DNAH14: variants seen among roughly 807,000 people sequenced by gnomAD.
DNAH14 encodes axonemal beta dynein heavy chain 14.
DNAH14 carries 478 observed loss-of-function variants against 520.9 expected under a neutral mutation model. That is an observed-to-expected ratio of 0.92 (90% confidence interval 0.85 to 0.99). The LOEUF is 0.99. Among genes scored for constraint, DNAH14 ranks in the 50% least tolerant of loss-of-function variants. The pLI, the probability that DNAH14 is intolerant of heterozygous loss-of-function variation, is 0.00. For synonymous variants in DNAH14, 1,581 were observed against 1,757.2 expected, an observed-to-expected ratio of 0.90 and a Z score of 2.51; for missense variants, 4,831 against 5,234.5, an observed-to-expected ratio of 0.92 and a Z score of 2.38.
rs2060793232 is a variant in DNAH14 at position 224,960,725 on chromosome 1, C to T, written c.367+423C>T. 2.0e-5 allele frequency among the ~76,000 whole-genome samples: 3 copies of T among 151,942 alleles called. No homozygotes were observed. The South Asian group carries it at 6.2e-4, about 32-fold the overall frequency. On this transcript the variant is annotated intron_variant, in intron 4 of 85. Transcript: ENST00000682510. ...TAACATCTTCTAGTTTGTGTTTTCT[C>T]TATAACTGAAATTCTTCTTAGTATT... is the stretch of plus-strand genomic sequence containing the variant.
At chr1:225,206,656 G>A (rs1450841360) in intron 40 of DNAH14, among the ~76,000 whole-genome samples, 2 of 152,156 alleles carry the variant, frequency 1.3e-5, no homozygotes, top group Non-Finnish European at 2.9e-5. Flanking sequence ...TTAACTGAAT[G>A]TTATGAATAA....
In DNAH14 at chr1:224,960,082, G is replaced by A. The variant is rs12093545; in HGVS notation, c.218-71G>A. 0.013 allele frequency: 17,538 copies of A among 1,384,682 alleles called. 1,191 individuals are homozygous for A. The African/African-American group carries it at 0.17, about 14-fold the overall frequency. 85.8% of individuals were successfully genotyped at this position (1,384,682 alleles called of 1,614,324 possible). A position where few individuals can be genotyped will look rare whatever the true frequency, so the allele number is the denominator to read the frequency against. ...ATATAATCATTAACTGTATTGCTGG[G>A]TATGTGGAATTACTATGGTATTATT... is the stretch of plus-strand genomic sequence containing the variant. On this transcript the variant is annotated intron_variant, in intron 3 of 85. Transcript: ENST00000682510.
chr1:225,238,409 A>G (rs976930670), intron 42 of DNAH14, among the ~76,000 whole-genome samples: 2 of 152,124 alleles, frequency 1.3e-5, no homozygotes, highest in African/African-American at 4.8e-5. Flanking sequence ...TTCAGACCCT[A>G]CTTGCCTCAG....
At position 224,970,043 on chromosome 1, in the gene DNAH14, A is replaced by G. The variant is rs377414611; in HGVS notation, c.767+1169A>G. Among the ~76,000 whole-genome samples the G allele has an allele frequency of 3.7e-4, 57 of 152,278 alleles. 1 individual carries two copies. The East Asian group carries it at 6.2e-3, about 16-fold the overall frequency. ...AGAGAGATAACCTTAAATTCTGACC[A>G]CTGATGAGCTGGAACAGAGCCATAT... On this transcript the variant is annotated intron_variant, in intron 7 of 85. Transcript: ENST00000682510.
intron 1 of DNAH14, among the ~76,000 whole-genome samples, chr1:224,930,245 A>T (rs2058596154): frequency 6.6e-6 from 1 of 152,248 alleles, no homozygotes; most frequent in African/African-American, 2.4e-5. Flanking sequence ...ACACAAATAT[A>T]TATGGATTAT....
intron 10 of DNAH14, among the ~76,000 whole-genome samples, chr1:225,014,198 G>C (rs1328876176): frequency 6.6e-6 from 1 of 152,154 alleles, no homozygotes; most frequent in African/African-American, 2.4e-5. Context: ...GCTTCCTTTG[G>C]CTAGCGGAGG....
chr1:225,018,481 G>T (rs1416215463), intron 10 of DNAH14, among the ~76,000 whole-genome samples: 1 of 152,182 alleles, frequency 6.6e-6, no homozygotes, highest in Non-Finnish European at 1.5e-5. Context: ...TGAGGATATA[G>T]TCCATGACAA....
At chr1:225,240,148 T>C (rs1457837699) in intron 42 of DNAH14, among the ~76,000 whole-genome samples, 1 of 152,078 alleles carries the variant, frequency 6.6e-6, no homozygotes. Context: ...AATTAAGAAT[T>C]ATAATTTCCT....
At chr1:225,011,740 C>T (rs371235844) in intron 10 of DNAH14, among the ~76,000 whole-genome samples, 13 of 133,062 alleles carry the variant, frequency 9.8e-5, no homozygotes, top group East Asian at 4.5e-4. Flanking sequence ...TTATCAGATG[C>T]GAGGAATGCA....
rs1401453549 is a variant in DNAH14, at chr1:224,974,124, T to C, written c.801T>C (p.Asn267=). ...MNKAFVTWKL[N]VKRIKTEKSR... ...AAGCATTTGTTACCTGGAAATTGAATGTTAAAAGAATTAAGACAGAGAAGA... is the reference window on the plus strand; with the variant it reads ...AAGCATTTGTTACCTGGAAATTGAACGTTAAAAGAATTAAGACAGAGAAGA... Residue 267 remains asparagine (N), a synonymous_variant, in exon 8 of 86, where the codon AAT becomes AAC. Coordinates refer to ENST00000682510, the MANE Select transcript of DNAH14 (RefSeq NM_001367479.1). 6.6e-7 allele frequency: 1 copy of C among 1,508,126 alleles called. No homozygotes were observed. The highest frequency in any genetic ancestry group is 8.9e-7 in the Non-Finnish European group (1 of 1,123,720). 93.4% of individuals were successfully genotyped at this position (1,508,126 alleles called of 1,614,324 possible).
intron 75 of DNAH14, among the ~76,000 whole-genome samples, 169 bp downstream of exon 75, chr1:225,361,060 G>C (rs192154352): frequency 3.9e-5 from 6 of 152,278 alleles, no homozygotes; most frequent in Admixed American, 1.3e-4. Flanking sequence ...CCAGGAACTT[G>C]AAAACTACAC....
At chr1:225,033,721 TTC>T (rs1189344505) in intron 11 of DNAH14, among the ~76,000 whole-genome samples, 1 of 152,196 alleles carries the variant, frequency 6.6e-6, no homozygotes, top group African/African-American at 2.4e-5. Flanking sequence ...GTTTTTCTAT[TTC>T]TCTGTGTCTT....
intron 9 of DNAH14, among the ~76,000 whole-genome samples, chr1:225,003,676 A>C (rs1260970588): frequency 6.6e-6 from 1 of 152,086 alleles, no homozygotes; most frequent in Non-Finnish European, 1.5e-5. Flanking sequence ...TGAATAAAAG[A>C]ATAAACTAAT....
At chr1:225,155,064 A>G (rs1393108889) in intron 34 of DNAH14, among the ~76,000 whole-genome samples, 1 of 152,160 alleles carries the variant, frequency 6.6e-6, no homozygotes, top group Non-Finnish European at 1.5e-5. Flanking sequence ...AAAGAATGCA[A>G]ATTAAAATGA....
chr1:225,135,212 C>T (rs2078847186), intron 27 of DNAH14, among the ~76,000 whole-genome samples: 1 of 151,934 alleles, frequency 6.6e-6, no homozygotes, highest in South Asian at 2.1e-4. Flanking sequence ...GGTTTGTTTG[C>T]TCTTGGTTCT....
At chr1:224,973,070 A>G (rs2061597220) in intron 7 of DNAH14, among the ~76,000 whole-genome samples, 1 of 152,210 alleles carries the variant, frequency 6.6e-6, no homozygotes, top group South Asian at 2.1e-4. Context: ...TTAAAGTGAA[A>G]TAGTAACTTA....
chr1:225,113,109 T>C (rs751671607), intron 23 of DNAH14, among the ~76,000 whole-genome samples: 51 of 152,132 alleles, frequency 3.4e-4, no homozygotes, highest in Non-Finnish European at 2.9e-5. Flanking sequence ...TTTGAACTTA[T>C]CGTTCTTGGG....
chr1:225,027,539 T>A (rs2148069846), intron 11 of DNAH14, among the ~76,000 whole-genome samples: 2 of 152,212 alleles, frequency 1.3e-5, no homozygotes, highest in East Asian at 3.9e-4. Context: ...AGGAAGCATG[T>A]CTGGGAGGCC....
At chr1:224,942,106 C>G (rs1266195318) in intron 1 of DNAH14, among the ~76,000 whole-genome samples, 3 of 152,054 alleles carry the variant, frequency 2.0e-5, no homozygotes, top group East Asian at 3.9e-4. Flanking sequence ...GGCAGTATGG[C>G]CATTTTCACG....
Sources: allele counts gnomAD v4.1 joint callset (sites outside exome capture counted in the v4.1 genomes callset), GRCh38; gene constraint gnomAD v4.1.1; transcripts MANE v1.5; gene names NCBI Gene and HGNC (gene_info 2026-07-23, HGNC 2026-07-21).